Variants in AP3D1 observed in about 807,000 individuals in gnomAD.
The protein encoded by AP3D1 is AP-3 complex subunit delta-1.
A neutral mutation model predicts 147.6 loss-of-function variants in AP3D1; 51 were observed. The ratio of observed to expected loss-of-function variants is 0.35; its 90% CI spans 0.28 to 0.44. The LOEUF is 0.44. AP3D1 is among the 20% of genes least tolerant of loss of function. AP3D1 has a pLI of 1.00. For synonymous variants in AP3D1, 760 were observed against 663.0 expected (o/e 1.15, Z -2.25); for missense variants, 1,421 against 1,624.2 (o/e 0.87, Z 2.15).
At chr19:2,142,253 T>C in intron 1 of AP3D1, among the ~76,000 whole-genome samples, 1 of 152,046 alleles carries the variant, frequency 6.6e-6, no homozygotes, top group East Asian at 1.9e-4. Context: ...CCTCAAGTAA[T>C]TCGCCAGCCT....
chr19:2,147,188 T>C (rs1373571915), intron 1 of AP3D1, among the ~76,000 whole-genome samples: 2 of 151,662 alleles, frequency 1.3e-5, no homozygotes, highest in Non-Finnish European at 2.9e-5. Context: ...CTACTAAAAA[T>C]ACAAAAAATT....
At chr19:2,109,547 AG>A (rs1280034357) in intron 29 of AP3D1, 10 of 475,840 alleles carry the variant, frequency 2.1e-5, no homozygotes, top group Non-Finnish European at 2.7e-5. Context: ...CTCAGGGGGG[AG>A]GGGGTGCCGC....
chr19:2,128,616 A>G (rs1599471777), intron 8 of AP3D1, among the ~76,000 whole-genome samples: 1 of 18,306 alleles, frequency 5.5e-5, no homozygotes, highest in South Asian at 2.8e-3. Context: ...CACCCCGTGG[A>G]GCCGGCCCGC....
At chr19:2,140,164 G>A (rs988398155) in intron 1 of AP3D1, among the ~76,000 whole-genome samples, 3 of 152,074 alleles carry the variant, frequency 2.0e-5, no homozygotes, top group Admixed American at 6.5e-5. Context: ...TGATTTAAAA[G>A]GAAAAGAACA....
chr19:2,151,290 G>C lies in AP3D1; in HGVS notation c.45C>G (p.Asp15Glu), dbSNP rs1297821544. Residue 15 changes from aspartate (D) to glutamate (E), a missense_variant, in exon 1 of 32, where the codon GAC becomes GAG. Asp to Glu is a conservative substitution (Grantham distance 45). Around this residue, in one of 6 missense-constraint regions of AP3D1, gnomAD observed 292 missense variants for 412.0 expected, o/e 0.71. Coordinates refer to ENST00000643116, the MANE Select transcript of AP3D1 (RefSeq NM_001261826.3). ...CGCGGACCAAGTCCTGCAGATTCTT[G>C]TCGAACATGCGGTCGATGCTGCCCT... is the stretch of plus-strand genomic sequence containing the variant. ...MVKGSIDRMF[D>E]KNLQDLVRGI... is the part of the protein sequence containing the mutation. 1.9e-6 allele frequency: 3 copies of C among 1,611,714 alleles called. No individual in the cohort carries two copies. The highest frequency in any genetic ancestry group is 2.5e-6 in the Non-Finnish European group (3 of 1,178,894).
intron 14 of AP3D1, 39 bp from the exon 15 acceptor site, chr19:2,118,871 TC>T (rs1481825628): frequency 6.4e-7 from 1 of 1,574,578 alleles, no homozygotes; most frequent in Non-Finnish European, 8.7e-7. Flanking sequence ...AGGATGCCAA[TC>T]CCGGGGCTCC....
chr19:2,117,434 C>T lies in AP3D1; in HGVS notation c.1714-67G>A, dbSNP rs1207524751. ...GGCCACTCGGCCACCTTCAGGGACACGGGGTGGCTCAGCCCCTGGCACAGT... is the reference window on the plus strand; with the variant it reads ...GGCCACTCGGCCACCTTCAGGGACATGGGGTGGCTCAGCCCCTGGCACAGT... On this transcript the variant is annotated intron_variant, in intron 15 of 31. Transcript: ENST00000643116. 1.0e-5 allele frequency: 15 copies of T among 1,478,178 alleles called. No homozygotes were observed. The Middle Eastern group carries it at 6.1e-4, about 60-fold the overall frequency. 91.6% of individuals were successfully genotyped at this position (1,478,178 alleles called of 1,614,324 possible).
At position 2,115,413 on chromosome 19, in the gene AP3D1, G is replaced by T. The variant is rs1568281546; in HGVS notation, c.2155C>A (p.Pro719Thr). ...AGCTTCACATACTGATCTGACATAGGCAGCCCTGCGGGCCGGCAGCGGGCA... is the reference window on the plus strand; with the variant it reads ...AGCTTCACATACTGATCTGACATAGTCAGCCCTGCGGGCCGGCAGCGGGCA... ...LSVPLKVPGL[P>T]MSDQYVKLEE... The change falls in exon 20 of 32, where the codon CCT becomes ACT. Residue 719 changes from proline to threonine, a missense_variant. Pro to Thr is a conservative substitution (Grantham distance 38, BLOSUM62 -1). Around this residue, in one of 6 missense-constraint regions of AP3D1, gnomAD observed 791 missense variants for 761.4 expected, o/e 1.04. Transcript: ENST00000643116. 2 of 1,606,878 alleles carry T rather than the reference G, an allele frequency of 1.2e-6. No individual in the cohort carries two copies. Among genetic ancestry groups the T allele is most frequent in the African/African-American group, 1.3e-5 (1 of 74,896 alleles).
intron 1 of AP3D1, chr19:2,164,301 C>T (rs1236269106): frequency 4.9e-6 from 6 of 1,231,280 alleles, no homozygotes; most frequent in African/African-American, 3.1e-5. Context: ...ACCTCCCGGC[C>T]TCCCCTCCTC....
At chr19:2,162,016 A>G (rs1335211377) in intron 1 of AP3D1, among the ~76,000 whole-genome samples, 2 of 151,474 alleles carry the variant, frequency 1.3e-5, no homozygotes, top group African/African-American at 2.4e-5. Context: ...TCCAACAACA[A>G]AGAAAAAGCC....
intron 23 of AP3D1, 23 bp from the exon 24 acceptor site, chr19:2,112,990 G>A (rs1037042858): frequency 1.3e-6 from 2 of 1,584,016 alleles, no homozygotes; most frequent in African/African-American, 2.7e-5. Flanking sequence ...AGGGCTTGGG[G>A]CTCATGCTGG....
intron 9 of AP3D1, among the ~76,000 whole-genome samples, chr19:2,125,044 C>CT (rs1422980423): frequency 2.0e-5 from 3 of 152,158 alleles, no homozygotes; most frequent in Admixed American, 6.6e-5. Context: ...TGTACACTGC[C>CT]TGGGTGTTGG....
chr19:2,163,848 C>T (rs1487260590), intron 1 of AP3D1, among the ~76,000 whole-genome samples: 1 of 149,850 alleles, frequency 6.7e-6, no homozygotes, highest in Non-Finnish European at 1.5e-5. Flanking sequence ...GCGGGTCGGC[C>T]CGCTGGGCGG....
At chr19:2,129,195 A>T in intron 7 of AP3D1, 32 bp from the exon 8 acceptor site, 1 of 1,607,812 alleles carries the variant, frequency 6.2e-7, no homozygotes. Flanking sequence ...GGTCACCCGC[A>T]GGGAATGCCC....
At chr19:2,102,728 AAAATAAAT>A (rs148548478) in intron 31 of AP3D1, among the ~76,000 whole-genome samples, 54,410 of 129,290 alleles carry the variant, frequency 0.42, 11,792 homozygotes, top group South Asian at 0.48. Context: ...ACTGTCTCAA[AAAATAAAT>A]AAATAAATAA....
chr19:2,111,830 T>C lies in AP3D1; in HGVS notation c.2788-2A>G. 6.2e-7 allele frequency: 1 copy of C among 1,613,778 alleles called. No individual in the cohort carries two copies. The highest frequency in any genetic ancestry group is 8.5e-7 in the Non-Finnish European group (1 of 1,179,968). On this transcript the variant is annotated splice_acceptor_variant, in intron 24 of 31. Transcript: ENST00000643116. LOFTEE classifies it high-confidence loss of function. ...CTTCTTCTTAGGCTTGGGAGATTTC[T>C]GGAGCAAGAGGAGGGTCGGGTTCAG...
At chr19:2,161,452 G>A (rs1313196753) in intron 1 of AP3D1, among the ~76,000 whole-genome samples, 1 of 151,972 alleles carries the variant, frequency 6.6e-6, no homozygotes, top group Non-Finnish European at 1.5e-5. Context: ...GTGAGTCACC[G>A]CTCCTGGCTG....
In AP3D1 at chr19:2,107,045, T is replaced by C. The variant is rs1474093524; in HGVS notation, c.3552+1642A>G. Among the ~76,000 whole-genome samples, 6 of 151,890 alleles carry C rather than the reference T, an allele frequency of 4.0e-5. No individual in the cohort carries two copies. In the South Asian group the frequency reaches 6.2e-4, roughly 16 times the overall value. On this transcript the variant is annotated intron_variant, in intron 31 of 31. Coordinates refer to ENST00000643116, the MANE Select transcript of AP3D1 (RefSeq NM_001261826.3). ...TTGGGAGGCCGAGGCAGACAGATCA[T>C]GAGGTCAGAAGATTGAGACCATCCT... is the stretch of plus-strand genomic sequence containing the variant.
In AP3D1 at chr19:2,109,158, T is replaced by C. The variant is rs25673; in HGVS notation, c.3400A>G (p.Ile1134Val). The C allele has an allele frequency of 0.15, 242,388 of 1,609,142 alleles. 19,482 individuals carry two copies. Among genetic ancestry groups the C allele is most frequent in the Non-Finnish European group, 0.16 (194,329 of 1,178,288 alleles). ...LESGDLSMSS[I>V]KVDGIRMSFQ... ...GACATCCGAATGCCATCGACTTTGA[T>C]TGAGCTCATGCTCAAGTCCCCAGAC... Residue 1134 changes from isoleucine to valine, a missense_variant, in exon 30 of 32, where the codon ATC (isoleucine) becomes GTC (valine). Physicochemically the swap from Ile to Val is conservative, Grantham distance 29 (BLOSUM62 3). Around this residue, in one of 6 missense-constraint regions of AP3D1, gnomAD observed 791 missense variants for 761.4 expected, o/e 1.04. Transcript: ENST00000643116.
Sources: allele counts gnomAD v4.1 joint callset (sites outside exome capture counted in the v4.1 genomes callset), GRCh38; gene constraint gnomAD v4.1.1; regional missense constraint gnomAD v4.1.1; transcripts MANE v1.5; gene names NCBI Gene and HGNC (gene_info 2026-07-23, HGNC 2026-07-21).